UBXN2B: variants seen among roughly 807,000 people sequenced by gnomAD.
The protein encoded by UBXN2B is UBX domain protein 2B.
Under a neutral mutation model 37.5 loss-of-function variants are expected in UBXN2B, and 19 were observed. That is an observed-to-expected ratio of 0.51 (90% CI 0.35 to 0.74). UBXN2B has a LOEUF of 0.74. UBXN2B is among the 30% of genes least tolerant of loss of function. The pLI, the probability that UBXN2B is intolerant of heterozygous loss-of-function variation, is 0.01. For missense variants in UBXN2B, 370 were observed against 393.2 expected, an observed-to-expected ratio of 0.94 and a Z score of 0.50; for synonymous variants, 145 against 143.8, an observed-to-expected ratio of 1.01 and a Z score of -0.06.
chr8:58,421,421 C>T (rs1807921209), intron 2 of UBXN2B, among the ~76,000 whole-genome samples: 1 of 151,682 alleles, frequency 6.6e-6, no homozygotes, highest in Non-Finnish European at 1.5e-5. Context: ...CCAGATAACT[C>T]TTTCACCCCA....
chr8:58,431,863 C>T (rs569638002), intron 3 of UBXN2B, among the ~76,000 whole-genome samples: 1 of 152,292 alleles, frequency 6.6e-6, no homozygotes, highest in East Asian at 1.9e-4. Flanking sequence ...GTTTCATGTG[C>T]TTCCTTGCCA....
chr8:58,435,170 G>A, intron 5 of UBXN2B: 1 of 1,320,148 alleles, frequency 7.6e-7, no homozygotes, highest in Non-Finnish European at 9.7e-7. Context: ...GCATAAACTG[G>A]GGAATTAAGT....
chr8:58,433,346 A>C (rs1163263770), intron 4 of UBXN2B, 103 bp downstream of exon 4: 1 of 906,588 alleles, frequency 1.1e-6, no homozygotes, highest in Admixed American at 2.5e-5. Context: ...TATTTTTGTT[A>C]CTTTTTAAAA....
At position 58,426,202 on chromosome 8, in the gene UBXN2B, CTTTTTTTTTTT is replaced by C. The variant is rs34005463; in HGVS notation, c.189-4305_189-4295del. 1.9e-5 allele frequency: 6 copies of C among 320,646 alleles called. No homozygotes were observed. In the Admixed American group the frequency reaches 1.9e-4, roughly 10 times the overall value. 19.9% of individuals were successfully genotyped at this position (320,646 alleles called of 1,614,324 possible). On this transcript the variant is annotated intron_variant, in intron 2 of 7. Coordinates refer to ENST00000399598, the MANE Select transcript of UBXN2B (RefSeq NM_001077619.2). ...CACAGTAATCACCAGTGTTCTGAATCTTTTTTTTTTTTTTTTTTTTTTGAGACAGAGTCTCG... is the reference window on the plus strand; with the variant it reads ...CACAGTAATCACCAGTGTTCTGAATCTTTTTTTTTTTGAGACAGAGTCTCG...
At chr8:58,446,129 G>C (rs1047727464) in intron 7 of UBXN2B, 61 bp downstream of exon 7, 22 of 1,470,890 alleles carry the variant, frequency 1.5e-5, no homozygotes, top group Non-Finnish European at 1.9e-5. Context: ...GCTTATCTAA[G>C]TAGAACTGTA....
At chr8:58,443,207 G>C (rs1371639814) in intron 6 of UBXN2B, among the ~76,000 whole-genome samples, 3 of 152,050 alleles carry the variant, frequency 2.0e-5, no homozygotes, top group African/African-American at 7.2e-5. Context: ...GAACCTGACG[G>C]GAATTCACAT....
intron 2 of UBXN2B, chr8:58,425,049 C>T: frequency 1.3e-6 from 1 of 782,584 alleles, no homozygotes; most frequent in Non-Finnish European, 2.4e-6. Flanking sequence ...TATGGTGCAC[C>T]TCCTCCAGGA....
intron 5 of UBXN2B, 62 bp downstream of exon 5, chr8:58,434,566 T>C: frequency 8.3e-7 from 1 of 1,201,126 alleles, no homozygotes; most frequent in Non-Finnish European, 1.1e-6. Flanking sequence ...CTTAACAGAC[T>C]ACTCATTATT....
intron 7 of UBXN2B, among the ~76,000 whole-genome samples, chr8:58,446,435 G>C (rs1321917549): frequency 2.0e-5 from 3 of 152,128 alleles, no homozygotes; most frequent in African/African-American, 7.2e-5. Flanking sequence ...TGATAATTTT[G>C]ATTGGGATTA....
chr8:58,411,642 C>T (rs1224849895), intron 1 of UBXN2B, among the ~76,000 whole-genome samples, 173 bp downstream of exon 1: 4 of 152,208 alleles, frequency 2.6e-5, no homozygotes, highest in African/African-American at 9.6e-5. Flanking sequence ...CTGTGGTGGT[C>T]GTGAACACAA....
At chr8:58,426,166 T>C (rs1808078465) in intron 2 of UBXN2B, 4 of 700,628 alleles carry the variant, frequency 5.7e-6, no homozygotes, top group Non-Finnish European at 1.0e-5. Context: ...ATTTCTCCCC[T>C]CCACACAGAT....
chr8:58,416,861 A>G lies in UBXN2B; in HGVS notation c.96A>G (p.Ala32=). 3.1e-6 allele frequency: 5 copies of G among 1,611,972 alleles called. No homozygotes were observed. In the Admixed American group the frequency reaches 5.0e-5, roughly 16 times the overall value. The stretch of plus-strand genomic sequence containing the variant: ...CTGTTATTATGTAGTTGGCCTTGGC[A>G]GAATTGTATGAAGATGAAGTGAAGT... The part of the protein sequence containing the change: ...PSARDLQLAL[A]ELYEDEVKCK... The change falls in exon 2 of 8, where the codon GCA becomes GCG. Residue 32 remains alanine (A), a synonymous_variant. Transcript: ENST00000399598.
intron 3 of UBXN2B, among the ~76,000 whole-genome samples, chr8:58,432,468 C>T (rs113734006): frequency 0.15 from 22,247 of 145,474 alleles, 1,890 homozygotes; most frequent in African/African-American, 0.23. Flanking sequence ...CTGCAAGCTC[C>T]GCCTCCCGGG....
chr8:58,415,114 G>A (rs1350054286), intron 1 of UBXN2B, among the ~76,000 whole-genome samples: 1 of 151,988 alleles, frequency 6.6e-6, no homozygotes, highest in Non-Finnish European at 1.5e-5. Flanking sequence ...AAATAAAACA[G>A]CAAAAGTACA....
chr8:58,426,007 T>C, intron 2 of UBXN2B: 1 of 1,444,942 alleles, frequency 6.9e-7, no homozygotes, highest in Non-Finnish European at 9.7e-7. Flanking sequence ...TCTCTGCTTC[T>C]TTCCCAGAGA....
At chr8:58,417,237 A>G (rs986399030) in intron 2 of UBXN2B, among the ~76,000 whole-genome samples, 14 of 152,184 alleles carry the variant, frequency 9.2e-5, no homozygotes, top group South Asian at 2.1e-4. Context: ...CCTGAATACT[A>G]TTTTTCTTGG....
At chr8:58,435,351 A>G (rs999370583) in intron 5 of UBXN2B, among the ~76,000 whole-genome samples, 15 of 152,198 alleles carry the variant, frequency 9.9e-5, no homozygotes, top group African/African-American at 2.7e-4. Flanking sequence ...ATTAGCATGA[A>G]TTTTGAATTT....
At chr8:58,427,232 G>A (rs999861641) in intron 2 of UBXN2B, among the ~76,000 whole-genome samples, 19 of 152,342 alleles carry the variant, frequency 1.2e-4, no homozygotes, top group African/African-American at 4.6e-4. Flanking sequence ...ACTTTGGGAG[G>A]CTGAAGCATT....
Position 58,447,788 on chromosome 8 carries a change from G to A in UBXN2B, c.*237G>A, listed in dbSNP as rs2129604754. The A allele has an allele frequency of 6.0e-6, 2 of 332,034 alleles. No individual in the cohort carries two copies. The highest frequency in any genetic ancestry group is 2.1e-5 in the African/African-American group (1 of 47,488). 20.6% of individuals were successfully genotyped at this position (332,034 alleles called of 1,614,324 possible). A position where few individuals can be genotyped will look rare whatever the true frequency, so the allele number is the denominator to read the frequency against. ...GACTGGCTTATGTTGATAGTTTTTG[G>A]ATTTCTAGGCAAATGAGTTGTTACA... On this transcript the variant is annotated 3_prime_UTR_variant, in exon 8 of 8. Transcript: ENST00000399598.
Sources: allele counts gnomAD v4.1 joint callset (sites outside exome capture counted in the v4.1 genomes callset), GRCh38; gene constraint gnomAD v4.1.1; transcripts MANE v1.5; gene names NCBI Gene and HGNC (gene_info 2026-07-23, HGNC 2026-07-21).